The following UPF3B variants were observed in gnomAD, a reference collection of about 807,000 sequenced individuals.
UPF3B encodes the protein regulator of nonsense transcripts 3B.
Under a neutral mutation model 40.3 loss-of-function variants are expected in UPF3B, and 7 were observed. That is an observed-to-expected ratio of 0.17 (90% CI 0.10 to 0.33). UPF3B has a LOEUF of 0.33. UPF3B is among the 10% of genes least tolerant of loss of function. UPF3B has a pLI of 1.00. For missense variants in UPF3B, 229 were observed against 358.9 expected (o/e 0.64, Z 2.93); for synonymous variants, 117 against 117.3 (o/e 1.00, Z 0.01).
At chrX:119,849,353 G>A (rs926981069) in intron 3 of UPF3B, among the ~76,000 whole-genome samples, 2 of 109,664 alleles carry the variant, frequency 1.8e-5, no homozygotes, top group African/African-American at 6.6e-5. Flanking sequence ...TTAGCTGGGC[G>A]TGGCGGCACA....
At chrX:119,849,201 G>A (rs1371581096) in intron 3 of UPF3B, among the ~76,000 whole-genome samples, 1 of 111,843 alleles carries the variant, frequency 8.9e-6, no homozygotes, top group Non-Finnish European at 1.9e-5. Flanking sequence ...CTTCAAAACT[G>A]TGATATATTA....
intron 3 of UPF3B, among the ~76,000 whole-genome samples, chrX:119,824,993 C>T (rs970806869): frequency 9.1e-6 from 1 of 110,372 alleles, no homozygotes; most frequent in Non-Finnish European, 1.9e-5. Context: ...TCTCAAACTC[C>T]TGACCTCAGG....
chrX:119,838,751 T>C (rs1442793240), intron 8 of UPF3B, among the ~76,000 whole-genome samples: 1 of 111,322 alleles, frequency 9.0e-6, no homozygotes, highest in Admixed American at 9.6e-5. Flanking sequence ...GTTTAATCAC[T>C]TTGTGGCAAT....
intron 10 of UPF3B, among the ~76,000 whole-genome samples, chrX:119,836,367 A>G (rs1423093592): frequency 9.0e-6 from 1 of 111,470 alleles, no homozygotes; most frequent in African/African-American, 3.3e-5. Context: ...AAAATAAATA[A>G]TTAATTAATT....
At chrX:119,831,473 G>A (rs769907486), downstream of UPF3B, among the ~76,000 whole-genome samples, 4 of 110,552 alleles carry the variant, frequency 3.6e-5, no homozygotes, top group Middle Eastern at 4.6e-3. Context: ...CACCTGCCCC[G>A]ACACCCGACA....
intron 10 of UPF3B, 78 bp from the exon 11 acceptor site, chrX:119,835,105 T>C: frequency 9.0e-7 from 1 of 1,108,494 alleles, no homozygotes; most frequent in Non-Finnish European, 1.2e-6. Context: ...GTCATAGTTA[T>C]GTATGAATAT....
At chrX:119,848,021 G>A (rs955377303) in intron 3 of UPF3B, among the ~76,000 whole-genome samples, 2 of 109,335 alleles carry the variant, frequency 1.8e-5, no homozygotes, top group Non-Finnish European at 3.8e-5. Flanking sequence ...GCTCATGCCT[G>A]TAATTCCTAG....
chrX:119,816,129 C>T (rs1027674560), intron 4 of UPF3B, among the ~76,000 whole-genome samples: 2 of 111,391 alleles, frequency 1.8e-5, no homozygotes, highest in East Asian at 2.8e-4. Context: ...AAGTGGTCCT[C>T]ACCCCCCTTG....
At chrX:119,835,062 A>AGACGG in intron 10 of UPF3B, 35 bp from the exon 11 acceptor site, 5 of 1,197,822 alleles carry the variant, frequency 4.2e-6, no homozygotes, top group Non-Finnish European at 5.7e-6. Flanking sequence ...CATTACAACA[A>AGACGG]TGCTACTAAG....
intron 4 of UPF3B, among the ~76,000 whole-genome samples, chrX:119,815,727 C>T (rs375675916): frequency 1.8e-5 from 2 of 111,411 alleles, no homozygotes; most frequent in African/African-American, 6.5e-5. Flanking sequence ...CTATGTTATC[C>T]GGGCTGGCTT....
chrX:119,848,107 C>T (rs1386832332), intron 3 of UPF3B, among the ~76,000 whole-genome samples: 1 of 108,019 alleles, frequency 9.3e-6, no homozygotes, highest in Non-Finnish European at 1.9e-5. Context: ...CAGTGAAACC[C>T]CATCTTTACC....
At chrX:119,840,360 G>A (rs2056146804) in intron 8 of UPF3B, among the ~76,000 whole-genome samples, 2 of 111,622 alleles carry the variant, frequency 1.8e-5, no homozygotes, top group South Asian at 3.7e-4. Context: ...AGCCAGTTAT[G>A]AGAAGCATAT....
Position 119,838,399 on chromosome X carries a change from A to T in UPF3B, c.975T>A (p.Ser325=). 8.3e-7 allele frequency: 1 copy of T among 1,212,104 alleles called. No individual in the cohort carries two copies. The highest frequency in any genetic ancestry group is 1.8e-5 in the South Asian group (1 of 56,992). Residue 325 remains serine (S), a synonymous_variant, in exon 9 of 11, where the codon TCT becomes TCA. Transcript: ENST00000276201. ...GTTTTTCATCTTTAAGTTCGCTATC[A>T]GAACGCTTGGGCAATGTACAACTTT... ...SGQSCTLPKR[S]DSELKDEKPK... is the part of the protein sequence containing the mutation.
At chrX:119,840,549 G>A in intron 8 of UPF3B, 97 bp downstream of exon 8, 1 of 794,462 alleles carries the variant, frequency 1.3e-6, no homozygotes, top group Non-Finnish European at 1.9e-6. Flanking sequence ...TTTTCAACAA[G>A]TAACACTACC....
chrX:119,833,138 G>A (rs1198396793), downstream of UPF3B, among the ~76,000 whole-genome samples: 4 of 111,027 alleles, frequency 3.6e-5, no homozygotes, highest in East Asian at 2.8e-4. Flanking sequence ...AAGCAACCAC[G>A]TTGTGTTCAC....
Position 119,837,817 on chromosome X carries a change from G to GCCT in UPF3B, c.1239_1241dup (p.Gly414dup). 8.3e-7 allele frequency: 1 copy of GCCT among 1,210,005 alleles called. No individual in the cohort carries two copies. Among genetic ancestry groups the GCCT allele is most frequent in the African/African-American group, 1.7e-5 (1 of 57,603 alleles). The stretch of plus-strand genomic sequence containing the variant: ...CTTTCTTTTCAGTTTTTTCTGAGCT[G>GCCT]CCTATTGATTCTGTACTTTCAGCCT... On this transcript the variant is annotated inframe_insertion, in exon 10 of 11. Transcript: ENST00000276201.
chrX:119,829,276 T>C (rs2056013194), downstream of UPF3B, among the ~76,000 whole-genome samples: 1 of 112,173 alleles, frequency 8.9e-6, no homozygotes, highest in Non-Finnish European at 1.9e-5. Context: ...CGCCTTGGCC[T>C]CCCAAAGTGC....
chrX:119,811,856 G>A (rs1416258776), intron 5 of UPF3B, among the ~76,000 whole-genome samples: 1 of 111,358 alleles, frequency 9.0e-6, no homozygotes. Flanking sequence ...GGAGGCTGAT[G>A]TGGGAGGATC....
Position 119,840,680 on chromosome X carries a change from T to C in UPF3B, c.812A>G (p.His271Arg), listed in dbSNP as rs759351290. The change falls in exon 8 of 11, where the codon CAC (histidine) becomes CGC (arginine). Residue 271 changes from histidine (H) to arginine (R), a missense_variant. By Grantham distance (29) the His-to-Arg change is conservative (BLOSUM62 0). This residue lies in a region of UPF3B where 87 missense variants were observed against 184.2 expected (regional missense o/e 0.47). Coordinates refer to ENST00000276201, the MANE Select transcript of UPF3B (RefSeq NM_080632.3). The part of the protein sequence containing the change: ...KLKDEPKIKV[H>R]RFLLQAVNQK... ...ATTCACAGCTTGTAACAGAAACCTG[T>C]GTACCTGAAGACAGTGGAAAACAAA... is the stretch of plus-strand genomic sequence containing the variant. 4 of 1,206,293 alleles carry C rather than the reference T, an allele frequency of 3.3e-6. No individual in the cohort carries two copies. In the South Asian group the frequency reaches 7.1e-5, roughly 21 times the overall value.
Sources: gnomAD v4.1 joint callset for allele counts (sites outside exome capture counted in the v4.1 genomes callset) on GRCh38, gnomAD v4.1.1 for gene constraint, gnomAD v4.1.1 regional missense constraint, MANE v1.5 for transcripts, NCBI Gene and HGNC (gene_info 2026-07-23, HGNC 2026-07-21) for gene names.